Variants in STXBP5L observed in about 807,000 individuals in gnomAD.
The protein encoded by STXBP5L is syntaxin binding protein 5L, also known as syntaxin-binding protein 5-like.
Under a neutral mutation model 144.5 loss-of-function variants are expected in STXBP5L, and 65 were observed. The ratio of observed to expected loss-of-function variants is 0.45; its 90% CI spans 0.37 to 0.55. The LOEUF is 0.55. Ranked by LOEUF, STXBP5L falls within the 20% of genes least tolerant of loss-of-function variation. The pLI, the probability that STXBP5L is intolerant of heterozygous loss-of-function variation, is 0.00. For synonymous variants in STXBP5L, 505 were observed against 469.6 expected (o/e 1.08, Z -0.97); for missense variants, 1,298 against 1,405.5 (o/e 0.92, Z 1.22).
chr3:121,264,403 A>C (rs2050484778), intron 18 of STXBP5L, among the ~76,000 whole-genome samples: 1 of 152,162 alleles, frequency 6.6e-6, no homozygotes, highest in Non-Finnish European at 1.5e-5. Flanking sequence ...CAAAGTAAAC[A>C]TACCCATTCT....
chr3:121,406,520 G>A (rs1274813086), intron 22 of STXBP5L, among the ~76,000 whole-genome samples: 3 of 151,990 alleles, frequency 2.0e-5, no homozygotes, highest in Middle Eastern at 6.3e-3. Context: ...AAGCTTTATA[G>A]TATATTGTCC....
At chr3:121,185,925 A>G (rs1347778558) in intron 9 of STXBP5L, among the ~76,000 whole-genome samples, 1 of 152,186 alleles carries the variant, frequency 6.6e-6, no homozygotes, top group Non-Finnish European at 1.5e-5. Context: ...CTTCCTACCC[A>G]TGATCATAGA....
intron 9 of STXBP5L, 161 bp downstream of exon 9, chr3:121,157,788 C>A: frequency 2.2e-6 from 2 of 910,480 alleles, no homozygotes; most frequent in Non-Finnish European, 1.5e-6. Context: ...AACATTGTAC[C>A]CCAAACTTTC....
intron 20 of STXBP5L, among the ~76,000 whole-genome samples, chr3:121,358,487 C>A (rs1171567691): frequency 6.6e-6 from 1 of 152,110 alleles, no homozygotes; most frequent in East Asian, 1.9e-4. Flanking sequence ...GCAAAGGGGG[C>A]AGTGCTGCAT....
chr3:121,185,933 A>G (rs1191301), intron 9 of STXBP5L, among the ~76,000 whole-genome samples: 119,692 of 152,162 alleles, frequency 0.79, 47,308 homozygotes, highest in East Asian at 0.93. Flanking sequence ...CCATGATCAT[A>G]GAATGTTCTT....
At chr3:121,120,453 A>G (rs1456891328) in intron 6 of STXBP5L, among the ~76,000 whole-genome samples, 2 of 151,250 alleles carry the variant, frequency 1.3e-5, no homozygotes, top group Admixed American at 6.6e-5. Flanking sequence ...TCCAATTATC[A>G]CATCAATCAT....
At chr3:121,199,879 G>T (rs1194811706) in intron 9 of STXBP5L, among the ~76,000 whole-genome samples, 1 of 152,030 alleles carries the variant, frequency 6.6e-6, no homozygotes, top group Admixed American at 6.6e-5. Context: ...GCTGGATTTG[G>T]TCTGCCAGTA....
At chr3:121,294,023 A>C (rs1253626996) in intron 19 of STXBP5L, among the ~76,000 whole-genome samples, 1 of 152,252 alleles carries the variant, frequency 6.6e-6, no homozygotes, top group Non-Finnish European at 1.5e-5. Context: ...AAGATCATAA[A>C]AGCTTCTGAA....
At chr3:121,348,335 G>A (rs926974650) in intron 20 of STXBP5L, among the ~76,000 whole-genome samples, 1 of 152,146 alleles carries the variant, frequency 6.6e-6, no homozygotes, top group African/African-American at 2.4e-5. Flanking sequence ...TAAGGGTTTT[G>A]ATGTGCTGCT....
At chr3:121,182,340 A>G (rs1447363480) in intron 9 of STXBP5L, among the ~76,000 whole-genome samples, 6 of 152,238 alleles carry the variant, frequency 3.9e-5, no homozygotes, top group Admixed American at 3.9e-4. Context: ...CTATGGTGGA[A>G]TAAAACTGGA....
At chr3:120,983,296 A>C (rs1467427132) in intron 3 of STXBP5L, among the ~76,000 whole-genome samples, 2 of 152,074 alleles carry the variant, frequency 1.3e-5, no homozygotes, top group East Asian at 3.9e-4. Flanking sequence ...CTGCCATGGC[A>C]TATGTATATC....
At chr3:121,144,397 C>T (rs1375644331) in intron 7 of STXBP5L, among the ~76,000 whole-genome samples, 2 of 151,734 alleles carry the variant, frequency 1.3e-5, no homozygotes, top group South Asian at 2.1e-4. Context: ...TGTTACTAAT[C>T]ATTAGAGAAA....
chr3:121,200,352 A>G (rs569554093), intron 9 of STXBP5L, among the ~76,000 whole-genome samples: 168 of 151,976 alleles, frequency 1.1e-3, no homozygotes, highest in Non-Finnish European at 1.7e-3. Context: ...TTCTTATTGC[A>G]TCTATTTGAT....
intron 22 of STXBP5L, among the ~76,000 whole-genome samples, chr3:121,391,874 A>G (rs1356379376): frequency 2.6e-5 from 4 of 152,174 alleles, no homozygotes; most frequent in African/African-American, 9.7e-5. Flanking sequence ...GACCCACTTG[A>G]GGAGGCAGTC....
chr3:121,143,329 T>G (rs920824773), intron 7 of STXBP5L, among the ~76,000 whole-genome samples: 8 of 149,920 alleles, frequency 5.3e-5, no homozygotes, highest in Non-Finnish European at 7.4e-5. Flanking sequence ...GGGAAAACAT[T>G]GTCATCAGCA....
At chr3:121,033,708 C>T (rs149426916) in intron 3 of STXBP5L, among the ~76,000 whole-genome samples, 1 of 151,624 alleles carries the variant, frequency 6.6e-6, no homozygotes, top group East Asian at 1.9e-4. Flanking sequence ...GCATTAACTG[C>T]TATATATTCT....
chr3:121,141,713 G>A (rs757534687), intron 7 of STXBP5L, among the ~76,000 whole-genome samples: 4 of 152,022 alleles, frequency 2.6e-5, no homozygotes, highest in Non-Finnish European at 4.4e-5. Context: ...TTAAAATAGA[G>A]CATTAGATTT....
chr3:120,965,411 A>T (rs1576508356), intron 3 of STXBP5L, among the ~76,000 whole-genome samples: 1 of 152,060 alleles, frequency 6.6e-6, no homozygotes, highest in Non-Finnish European at 1.5e-5. Context: ...GCAGTGGCTG[A>T]TACTGGTTGT....
intron 14 of STXBP5L, among the ~76,000 whole-genome samples, chr3:121,244,467 C>CAGAGAG (rs906934894): frequency 6.7e-6 from 1 of 149,296 alleles, no homozygotes; most frequent in African/African-American, 2.5e-5. Flanking sequence ...GAGAGAGAGA[C>CAGAGAG]AGAGAGAGAG....
Sources: allele counts gnomAD v4.1 joint callset (sites outside exome capture counted in the v4.1 genomes callset), GRCh38; gene constraint gnomAD v4.1.1; transcripts MANE v1.5; gene names NCBI Gene and HGNC (gene_info 2026-07-23, HGNC 2026-07-21).